The following ARSJ variants were observed in gnomAD, a reference collection of about 807,000 sequenced individuals.
ARSJ encodes the protein arylsulfatase family member J.
Under a neutral mutation model 35.9 loss-of-function variants are expected in ARSJ, and 26 were observed. The ratio of observed to expected loss-of-function variants is 0.72; its 90% CI spans 0.53 to 1.00. The LOEUF (loss-of-function observed/expected upper bound fraction) is 1.00, where lower values mean the gene tolerates loss of function less well. Ranked by LOEUF, ARSJ falls within the 50% of genes least tolerant of loss-of-function variation. The pLI, the probability that ARSJ is intolerant of heterozygous loss-of-function variation, is 0.00. For synonymous variants in ARSJ, 294 were observed against 267.6 expected (o/e 1.10, Z -0.96); for missense variants, 667 against 723.6 (o/e 0.92, Z 0.90).
intron 1 of ARSJ, among the ~76,000 whole-genome samples, chr4:113,971,963 C>T (rs1288633725): frequency 1.3e-5 from 2 of 152,236 alleles, no homozygotes; most frequent in African/African-American, 4.8e-5. Context: ...GCTTACTTGA[C>T]TCCTTCTCCT....
intron 1 of ARSJ, among the ~76,000 whole-genome samples, chr4:113,913,931 A>G (rs1723109486): frequency 6.6e-6 from 1 of 152,090 alleles, no homozygotes; most frequent in African/African-American, 2.4e-5. Context: ...TAGAATCCTC[A>G]ACGTAAGATA....
Position 113,978,434 on chromosome 4 carries a change from T to G in ARSJ, c.398+3A>C. 1.9e-6 allele frequency: 3 copies of G among 1,579,636 alleles called. No homozygotes were observed. The highest frequency in any genetic ancestry group is 2.6e-6 in the Non-Finnish European group (3 of 1,163,680). ...AATAAATATAAGAAGTAGGAACACT[T>G]ACTTTCCAGTAATAAACTGACTCCT... On this transcript the variant is annotated splice_donor_region_variant and intron_variant, in intron 1 of 1. Coordinates refer to ENST00000315366, the MANE Select transcript of ARSJ (RefSeq NM_024590.4).
intron 1 of ARSJ, among the ~76,000 whole-genome samples, chr4:113,910,219 A>G (rs1035925089): frequency 3.3e-5 from 5 of 152,174 alleles, no homozygotes; most frequent in African/African-American, 1.2e-4. Flanking sequence ...TCAGCTTGGC[A>G]TTAGAATATG....
At position 113,902,559 on chromosome 4, in the gene ARSJ, C is replaced by T. The variant is rs765467724; in HGVS notation, c.1515G>A (p.Arg505=). ...LFNITADPYE[R]VDLSNRYPGI... Reference sequence around the variant, plus strand: ...CTGGATACCTGTTAGATAGGTCCACCCTCTCATATGGGTCGGCTGTGATGT... The same window carrying T: ...CTGGATACCTGTTAGATAGGTCCACTCTCTCATATGGGTCGGCTGTGATGT... The change falls in exon 2 of 2, where the codon AGG becomes AGA. Residue 505 remains arginine (R), a synonymous_variant. Transcript: ENST00000315366. 9 of 1,613,982 alleles carry T rather than the reference C, an allele frequency of 5.6e-6. No homozygotes were observed. The African/African-American group carries it at 9.3e-5, about 17-fold the overall frequency.
chr4:113,903,802 TA>T, intron 1 of ARSJ, 127 bp from the exon 2 acceptor site: 1 of 1,273,612 alleles, frequency 7.9e-7, no homozygotes, highest in Non-Finnish European at 1.1e-6. Flanking sequence ...ACCCCAATGA[TA>T]AATGACCAAT....
chr4:113,906,244 T>C (rs1217339092), intron 1 of ARSJ, among the ~76,000 whole-genome samples: 1 of 152,188 alleles, frequency 6.6e-6, no homozygotes, highest in Non-Finnish European at 1.5e-5. Context: ...GTCTATTTAA[T>C]TCATCAAATG....
intron 1 of ARSJ, among the ~76,000 whole-genome samples, chr4:113,906,157 G>A (rs968587158): frequency 6.6e-6 from 1 of 152,016 alleles, no homozygotes; most frequent in Non-Finnish European, 1.5e-5. Flanking sequence ...CATCTATACG[G>A]GTAAAAATTT....
At chr4:113,975,133 G>A (rs952079180) in intron 1 of ARSJ, among the ~76,000 whole-genome samples, 6 of 152,144 alleles carry the variant, frequency 3.9e-5, no homozygotes, top group Non-Finnish European at 7.4e-5. Context: ...GAGAAACTGG[G>A]AGAGTGATTA....
At chr4:113,962,706 G>A (rs541664140) in intron 1 of ARSJ, among the ~76,000 whole-genome samples, 4 of 151,882 alleles carry the variant, frequency 2.6e-5, no homozygotes, top group African/African-American at 9.7e-5. Flanking sequence ...CTCTCCATCC[G>A]ACCTGCATGA....
chr4:113,921,358 ACTTAGTTAAGATTC>A (rs796890335), intron 1 of ARSJ, among the ~76,000 whole-genome samples: 13 of 152,182 alleles, frequency 8.5e-5, no homozygotes, highest in African/African-American at 3.1e-4. Flanking sequence ...TTAGTACAAG[ACTTAGTTAAGATTC>A]CTTAGTTAAG....
intron 1 of ARSJ, among the ~76,000 whole-genome samples, chr4:113,923,521 C>T (rs988979599): frequency 9.9e-5 from 15 of 152,016 alleles, no homozygotes; most frequent in Admixed American, 3.9e-4. Context: ...CTCTAATTAG[C>T]GTTAGATTTT....
intron 1 of ARSJ, among the ~76,000 whole-genome samples, chr4:113,971,935 C>G (rs1373155659): frequency 6.6e-6 from 1 of 152,206 alleles, no homozygotes; most frequent in African/African-American, 2.4e-5. Context: ...ATGAAATAAT[C>G]AAACTCTATT....
intron 1 of ARSJ, among the ~76,000 whole-genome samples, chr4:113,960,116 G>A (rs1458026101): frequency 6.6e-6 from 1 of 151,954 alleles, no homozygotes; most frequent in East Asian, 1.9e-4. Context: ...AAATAATAAT[G>A]AGACATGGAT....
chr4:113,926,956 C>G (rs1202443149), intron 1 of ARSJ, among the ~76,000 whole-genome samples: 1 of 152,198 alleles, frequency 6.6e-6, no homozygotes, highest in Non-Finnish European at 1.5e-5. Flanking sequence ...CTATCTGCCA[C>G]TGCCACCTCA....
chr4:113,937,832 G>C (rs1479358280), intron 1 of ARSJ, among the ~76,000 whole-genome samples: 1 of 151,964 alleles, frequency 6.6e-6, no homozygotes, highest in South Asian at 2.1e-4. Flanking sequence ...CAGCTAATAA[G>C]GGAAGGGAAG....
intron 1 of ARSJ, among the ~76,000 whole-genome samples, chr4:113,930,360 G>A (rs562029284): frequency 6.6e-6 from 1 of 152,122 alleles, no homozygotes; most frequent in South Asian, 2.1e-4. Context: ...ACCTTTTCAC[G>A]TTTTTCTGCC....
At chr4:113,905,769 A>G (rs1005881595) in intron 1 of ARSJ, among the ~76,000 whole-genome samples, 12 of 145,378 alleles carry the variant, frequency 8.3e-5, no homozygotes, top group Admixed American at 1.5e-4. Context: ...CCGGGTTCAA[A>G]TGATTCTCCT....
chr4:113,957,927 G>C (rs1469623275), intron 1 of ARSJ, among the ~76,000 whole-genome samples: 1 of 152,080 alleles, frequency 6.6e-6, no homozygotes, highest in East Asian at 1.9e-4. Context: ...AGTTAGGACT[G>C]AGTGATTACT....
chr4:113,962,580 C>A (rs986388841), intron 1 of ARSJ, among the ~76,000 whole-genome samples: 1 of 149,766 alleles, frequency 6.7e-6, no homozygotes, highest in South Asian at 2.1e-4. Context: ...ATCAAAAAAT[C>A]TTGTCTGCTC....
Sources: gnomAD v4.1 joint callset for allele counts (sites outside exome capture counted in the v4.1 genomes callset) on GRCh38, gnomAD v4.1.1 for gene constraint, MANE v1.5 for transcripts, NCBI Gene and HGNC (gene_info 2026-07-23, HGNC 2026-07-21) for gene names.